The following SEM1 variants were observed in gnomAD, a reference collection of about 807,000 sequenced individuals.
The protein encoded by SEM1 is SEM1 26S proteasome subunit.
SEM1 carries 3 observed loss-of-function variants against 12.7 expected under a neutral mutation model. That is an observed-to-expected ratio of 0.24 (90% CI 0.11 to 0.61). The LOEUF is 0.61. Among genes scored for constraint, SEM1 ranks in the 20% least tolerant of loss-of-function variants. The pLI, the probability that SEM1 is intolerant of heterozygous loss-of-function variation, is 0.88. For synonymous variants in SEM1, 30 were observed against 27.8 expected (o/e 1.08, Z -0.25); for missense variants, 59 against 81.3 (o/e 0.73, Z 1.06).
intron 2 of SEM1, among the ~76,000 whole-genome samples, chr7:96,601,922 A>G (rs953572185): frequency 5.3e-5 from 8 of 152,198 alleles, no homozygotes; most frequent in Non-Finnish European, 1.0e-4. Context: ...AAAAAGGTCT[A>G]TTACATTGGA....
chr7:96,572,145 T>A (rs1262068403), intron 2 of SEM1, among the ~76,000 whole-genome samples: 1 of 152,232 alleles, frequency 6.6e-6, no homozygotes, highest in East Asian at 1.9e-4. Flanking sequence ...CTTCATCATT[T>A]TTTATTGTGT....
At chr7:96,510,641 TTG>T (rs1803908588) in intron 2 of SEM1, among the ~76,000 whole-genome samples, 2 of 152,112 alleles carry the variant, frequency 1.3e-5, no homozygotes, top group South Asian at 4.1e-4. Context: ...TGGATCACAG[TTG>T]GTACAATCTG....
chr7:96,583,657 T>C (rs1806499087), intron 2 of SEM1, among the ~76,000 whole-genome samples: 1 of 150,504 alleles, frequency 6.6e-6, no homozygotes. Context: ...TGGGTGCTCC[T>C]GTATTGGGTG....
intron 2 of SEM1, among the ~76,000 whole-genome samples, chr7:96,556,128 T>C (rs1199704862): frequency 1.3e-5 from 2 of 152,166 alleles, no homozygotes; most frequent in Non-Finnish European, 1.5e-5. Flanking sequence ...CACTGATGGG[T>C]CTTGACTCTT....
intron 3 of SEM1, chr7:96,506,526 A>G (rs373093534): frequency 5.3e-5 from 8 of 152,118 alleles, no homozygotes; most frequent in East Asian, 3.9e-4. Context: ...GAAACTCCAA[A>G]ATTTAAATGT....
intron 2 of SEM1, among the ~76,000 whole-genome samples, chr7:96,510,296 G>A (rs1803897098): frequency 6.6e-6 from 1 of 152,092 alleles, no homozygotes; most frequent in South Asian, 2.1e-4. Context: ...TTGTCGTTGT[G>A]CAAACATCAT....
At chr7:96,497,658 C>A (rs1803344489), upstream of SEM1, among the ~76,000 whole-genome samples, 1 of 152,080 alleles carries the variant, frequency 6.6e-6, no homozygotes, top group Non-Finnish European at 1.5e-5. Flanking sequence ...GATTTATCCT[C>A]CCACCCTGAG....
chr7:96,599,419 C>G (rs997731063), intron 2 of SEM1, among the ~76,000 whole-genome samples: 1 of 152,108 alleles, frequency 6.6e-6, no homozygotes, highest in African/African-American at 2.4e-5. Flanking sequence ...ACCTAAATGT[C>G]TGGGGTCACT....
chr7:96,552,498 T>C (rs1418207253), intron 2 of SEM1, among the ~76,000 whole-genome samples: 1 of 150,644 alleles, frequency 6.6e-6, no homozygotes, highest in Admixed American at 6.6e-5. Flanking sequence ...ATTTCATCCA[T>C]GTCCCTACAA....
intron 2 of SEM1, chr7:96,645,414 G>A (rs1309848619): frequency 5.1e-6 from 1 of 197,830 alleles, no homozygotes; most frequent in African/African-American, 2.3e-5. Flanking sequence ...GACAAAGTAG[G>A]TCAGGGAAGT....
At chr7:96,612,346 T>C (rs1414730434) in intron 2 of SEM1, among the ~76,000 whole-genome samples, 2 of 152,206 alleles carry the variant, frequency 1.3e-5, no homozygotes, top group Non-Finnish European at 2.9e-5. Flanking sequence ...CTGCTGTGAC[T>C]TTCTTCTCTG....
chr7:96,567,749 A>G (rs1469453552), intron 2 of SEM1, among the ~76,000 whole-genome samples: 1 of 151,614 alleles, frequency 6.6e-6, no homozygotes, highest in Non-Finnish European at 1.5e-5. Context: ...GAGCATAATA[A>G]TATAAATTTT....
intron 2 of SEM1, among the ~76,000 whole-genome samples, chr7:96,549,438 C>A (rs530425274): frequency 8.5e-5 from 13 of 152,256 alleles, no homozygotes; most frequent in African/African-American, 2.6e-4. Context: ...CAGAAACTTA[C>A]CTTGAGGCAG....
chr7:96,657,945 C>A (rs1274126131), intron 2 of SEM1, among the ~76,000 whole-genome samples: 3 of 152,160 alleles, frequency 2.0e-5, no homozygotes, highest in Non-Finnish European at 4.4e-5. Context: ...AGGTCATGGA[C>A]CGGCAGGACT....
chr7:96,700,172 A>G lies in SEM1; in HGVS notation c.77-5281T>C, dbSNP rs141802607. Reference sequence around the variant, plus strand: ...ACCAGATTTATAGGAAACACTCAACAAATACATGTCAAATGAATAAATCCT... The same window carrying G: ...ACCAGATTTATAGGAAACACTCAACGAATACATGTCAAATGAATAAATCCT... On this transcript the variant is annotated intron_variant, in intron 1 of 2. Coordinates refer to ENST00000248566, the MANE Select transcript of SEM1 (RefSeq NM_006304.2). Among the ~76,000 whole-genome samples the G allele has an allele frequency of 2.3e-3, 339 of 150,414 alleles. 3 individuals carry two copies. Among genetic ancestry groups the G allele is most frequent in the African/African-American group, 7.9e-3 (327 of 41,424 alleles).
rs187243309 is a variant in SEM1, at chr7:96,579,721, A to G, written c.171-73023T>C. 2.0e-3 allele frequency among the ~76,000 whole-genome samples: 306 copies of G among 152,280 alleles called. 1 individual carries two copies. Among genetic ancestry groups the G allele is most frequent in the African/African-American group, 7.3e-3 (302 of 41,570 alleles). Reference sequence around the variant, plus strand: ...TAAAACAGCTAAAATAAAGTGTTTCATTTTGTATCTTAATTTTGCTGGTGA... The same window carrying G: ...TAAAACAGCTAAAATAAAGTGTTTCGTTTTGTATCTTAATTTTGCTGGTGA... On this transcript the variant is annotated intron_variant and NMD_transcript_variant, in intron 2 of 3. Transcript: ENST00000466986.
intron 2 of SEM1, among the ~76,000 whole-genome samples, chr7:96,509,851 T>C (rs1365556586): frequency 6.6e-6 from 1 of 150,794 alleles, no homozygotes; most frequent in Non-Finnish European, 1.5e-5. Context: ...CCAAGGCAAA[T>C]TCATAGAGAC....
At chr7:96,588,652 G>A (rs567874590) in intron 2 of SEM1, among the ~76,000 whole-genome samples, 6 of 152,190 alleles carry the variant, frequency 3.9e-5, no homozygotes, top group African/African-American at 1.4e-4. Flanking sequence ...GCCAGATGTG[G>A]TAGCTCAGGA....
intron 2 of SEM1, among the ~76,000 whole-genome samples, chr7:96,557,056 A>T (rs1218119178): frequency 1.4e-5 from 2 of 145,172 alleles, no homozygotes; most frequent in East Asian, 4.2e-4. Context: ...TCCTTTAAGC[A>T]CTTCTCTGTA....
Sources: gnomAD v4.1 joint callset for allele counts (sites outside exome capture counted in the v4.1 genomes callset) on GRCh38, gnomAD v4.1.1 for gene constraint, MANE v1.5 for transcripts, NCBI Gene and HGNC (gene_info 2026-07-23, HGNC 2026-07-21) for gene names.